The following METTL15 variants were observed in gnomAD, a reference collection of about 807,000 sequenced individuals.
The protein encoded by METTL15 is methyltransferase 15, mitochondrial 12S rRNA N4-cytidine.
A neutral mutation model predicts 38.3 loss-of-function variants in METTL15; 34 were observed. The ratio of observed to expected loss-of-function variants is 0.89; its 90% confidence interval spans 0.68 to 1.18. The LOEUF (loss-of-function observed/expected upper bound fraction) is 1.18, where lower values mean the gene tolerates loss of function less well. Ranked by LOEUF, METTL15 falls within the 50% of genes most tolerant of loss-of-function variation. The pLI is 0.00. For missense variants in METTL15, 438 were observed against 498.4 expected, an observed-to-expected ratio of 0.88 and a Z score of 1.15; for synonymous variants, 162 against 170.9, an observed-to-expected ratio of 0.95 and a Z score of 0.41.
chr11:28,228,932 G>A (rs1234807093), intron 4 of METTL15, among the ~76,000 whole-genome samples: 1 of 151,876 alleles, frequency 6.6e-6, no homozygotes, highest in African/African-American at 2.4e-5. Flanking sequence ...ATCCCCACAG[G>A]TGAGAAAGTA....
rs143204854 is a variant in METTL15 at position 28,286,304 on chromosome 11, C to T, written c.408-3902C>T. Among the ~76,000 whole-genome samples, 22 of 152,248 alleles carry T rather than the reference C, an allele frequency of 1.4e-4. No individual in the cohort carries two copies. The East Asian group carries it at 4.3e-3, about 29-fold the overall frequency. The stretch of plus-strand genomic sequence containing the variant: ...TAAAGTCAGTTGATTGTAGATATTA[C>T]ACATATTTACAAAATACCTTCATAG... On this transcript the variant is annotated intron_variant, in intron 4 of 6. Transcript: ENST00000407364.
intron 3 of METTL15, among the ~76,000 whole-genome samples, chr11:28,199,354 G>T (rs1186334589): frequency 6.6e-6 from 1 of 151,994 alleles, no homozygotes; most frequent in Non-Finnish European, 1.5e-5. Context: ...TATATTTGTA[G>T]ATTCTCTTCA....
chr11:28,408,979 A>G (rs1850700418), intron 5 of METTL15, among the ~76,000 whole-genome samples: 1 of 152,192 alleles, frequency 6.6e-6, no homozygotes, highest in Non-Finnish European at 1.5e-5. Flanking sequence ...TAACAAACAT[A>G]TAGAATTTTT....
At chr11:28,143,563 T>C (rs973148342) in intron 3 of METTL15, among the ~76,000 whole-genome samples, 1 of 152,150 alleles carries the variant, frequency 6.6e-6, no homozygotes, top group African/African-American at 2.4e-5. Context: ...ACTATTTACG[T>C]TGATGTAACG....
chr11:28,469,263 T>TC (rs56795644), intron 6 of METTL15, among the ~76,000 whole-genome samples: 3 of 150,058 alleles, frequency 2.0e-5, no homozygotes, highest in Non-Finnish European at 4.4e-5. Context: ...TTGACCTTTT[T>TC]CCCCCCAGTT....
intron 5 of METTL15, among the ~76,000 whole-genome samples, chr11:28,379,956 T>C (rs1406817882): frequency 5.3e-5 from 8 of 152,324 alleles, no homozygotes; most frequent in Admixed American, 4.6e-4. Context: ...TTTCATTATA[T>C]AGCAATCTTT....
chr11:28,255,539 AG>A (rs1297535971), intron 4 of METTL15, among the ~76,000 whole-genome samples: 11 of 152,146 alleles, frequency 7.2e-5, no homozygotes, highest in Admixed American at 2.6e-4. Context: ...CTTAGAGAAA[AG>A]GCTTTCAGTT....
intron 6 of METTL15, among the ~76,000 whole-genome samples, chr11:28,455,088 T>G (rs1851156362): frequency 6.6e-6 from 1 of 152,190 alleles, no homozygotes; most frequent in Non-Finnish European, 1.5e-5. Context: ...AATCCTCCCA[T>G]ATGTATCCAT....
intron 3 of METTL15, among the ~76,000 whole-genome samples, chr11:28,343,340 C>A: frequency 6.6e-6 from 1 of 152,108 alleles, no homozygotes; most frequent in East Asian, 1.9e-4. Context: ...CTAGAGAAAG[C>A]TATTGAATTT....
chr11:28,274,563 G>A (rs930351952), intron 4 of METTL15, among the ~76,000 whole-genome samples: 14 of 151,872 alleles, frequency 9.2e-5, no homozygotes, highest in Admixed American at 9.2e-4. Context: ...ATATTAAAAT[G>A]AATACATATA....
chr11:28,309,924 C>CTAT (rs1365739167), intron 6 of METTL15, among the ~76,000 whole-genome samples: 1 of 152,112 alleles, frequency 6.6e-6, no homozygotes, highest in Non-Finnish European at 1.5e-5. Flanking sequence ...GTTATTTAGA[C>CTAT]TATTACAATA....
At chr11:28,318,970 ATTT>A (rs1422684782) in intron 6 of METTL15, among the ~76,000 whole-genome samples, 1 of 152,202 alleles carries the variant, frequency 6.6e-6, no homozygotes. Flanking sequence ...ACAATAAGTT[ATTT>A]TCAATAGAAC....
chr11:28,209,987 C>G (rs1199124745), intron 3 of METTL15, among the ~76,000 whole-genome samples: 1 of 151,762 alleles, frequency 6.6e-6, no homozygotes, highest in African/African-American at 2.4e-5. Context: ...CTGAAAGGTC[C>G]CATTAAACTA....
At chr11:28,193,873 T>C (rs926392798) in intron 3 of METTL15, among the ~76,000 whole-genome samples, 20 of 152,140 alleles carry the variant, frequency 1.3e-4, no homozygotes, top group African/African-American at 4.1e-4. Context: ...CCAGACTCTT[T>C]AGTTTGACAT....
At chr11:28,142,209 T>G (rs1248644350) in intron 3 of METTL15, among the ~76,000 whole-genome samples, 1 of 152,114 alleles carries the variant, frequency 6.6e-6, no homozygotes, top group Non-Finnish European at 1.5e-5. Context: ...ATAGAATGAG[T>G]GTTACAGTGA....
chr11:28,386,576 C>T (rs1415116174), intron 5 of METTL15, among the ~76,000 whole-genome samples: 1 of 151,534 alleles, frequency 6.6e-6, no homozygotes, highest in African/African-American at 2.4e-5. Context: ...AATATATGAG[C>T]AAATATTGAC....
chr11:28,463,730 T>C lies in METTL15; in HGVS notation c.*424+39366T>C, dbSNP rs1409016272. ...ACTTAGTACCACAAAAGATGATTTC[T>C]TATGCAAAGACTACCTCTGGTCTCG... is the stretch of plus-strand genomic sequence containing the variant. On this transcript the variant is annotated intron_variant and NMD_transcript_variant, in intron 6 of 7. Transcript: ENST00000532947. Among the ~76,000 whole-genome samples, 4 of 151,982 alleles carry C rather than the reference T, an allele frequency of 2.6e-5. No individual in the cohort carries two copies. The South Asian group carries it at 8.3e-4, about 32-fold the overall frequency.
intron 5 of METTL15, among the ~76,000 whole-genome samples, chr11:28,370,593 T>C (rs1387847698): frequency 2.0e-5 from 3 of 152,034 alleles, no homozygotes; most frequent in African/African-American, 4.8e-5. Context: ...TGCTGTATCA[T>C]ACAGTAGTTC....
At chr11:28,226,498 T>A (rs2133874535) in intron 4 of METTL15, among the ~76,000 whole-genome samples, 1 of 152,104 alleles carries the variant, frequency 6.6e-6, no homozygotes, top group South Asian at 2.1e-4. Flanking sequence ...ACCCACATGA[T>A]CTAAGTTGTG....
Sources: allele counts gnomAD v4.1 joint callset (sites outside exome capture counted in the v4.1 genomes callset), GRCh38; gene constraint gnomAD v4.1.1; transcripts MANE v1.5; gene names NCBI Gene and HGNC (gene_info 2026-07-23, HGNC 2026-07-21).